BNC2: variants seen among roughly 807,000 people sequenced by gnomAD.
The protein encoded by BNC2 is basonuclin zinc finger protein 2.
In BNC2, 20 loss-of-function variants were observed where a neutral mutation model predicts 76.3. The observed-to-expected ratio is 0.26, with a 90% CI of 0.18 to 0.38. BNC2 has a LOEUF of 0.38. Ranked by LOEUF, BNC2 falls within the 10% of genes least tolerant of loss-of-function variation. The probability of loss-of-function intolerance (pLI) is 1.00; values close to 1 mark genes in which losing one functional copy is unlikely to be tolerated. For synonymous variants in BNC2, 582 were observed against 514.8 expected, an observed-to-expected ratio of 1.13 and a Z score of -1.77; for missense variants, 1,382 against 1,399.8, an observed-to-expected ratio of 0.99 and a Z score of 0.20.
At chr9:16,764,985 C>T (rs1290653748) in intron 1 of BNC2, among the ~76,000 whole-genome samples, 1 of 152,062 alleles carries the variant, frequency 6.6e-6, no homozygotes, top group Non-Finnish European at 1.5e-5. Flanking sequence ...GGATACGAAA[C>T]CCGCTGTGGC....
intron 1 of BNC2, among the ~76,000 whole-genome samples, chr9:16,814,458 A>C (rs892512893): frequency 3.3e-5 from 5 of 152,218 alleles, no homozygotes; most frequent in African/African-American, 9.6e-5. Flanking sequence ...ATTTAAAAGA[A>C]ATTTTACTCC....
At chr9:16,563,351 G>A (rs915548018) in intron 4 of BNC2, among the ~76,000 whole-genome samples, 2 of 151,918 alleles carry the variant, frequency 1.3e-5, no homozygotes, top group Non-Finnish European at 2.9e-5. Flanking sequence ...GGACTTGGTC[G>A]CTCATGCCTA....
intron 5 of BNC2, among the ~76,000 whole-genome samples, chr9:16,529,949 A>C (rs1427750968): frequency 6.6e-6 from 1 of 152,066 alleles, no homozygotes; most frequent in Non-Finnish European, 1.5e-5. Context: ...CCCAGGCTCA[A>C]CCGATTCTTC....
intron 5 of BNC2, among the ~76,000 whole-genome samples, chr9:16,501,973 T>G (rs889011454): frequency 1.1e-4 from 17 of 152,214 alleles, no homozygotes; most frequent in Admixed American, 1.3e-4. Context: ...TAAAATGCAT[T>G]TCTAATTTGT....
intron 3 of BNC2, among the ~76,000 whole-genome samples, chr9:16,653,924 A>T (rs745798407): frequency 4.0e-5 from 6 of 148,174 alleles, no homozygotes; most frequent in Non-Finnish European, 9.0e-5. Context: ...CGCCTCCCCC[A>T]CTCCTTCCTC....
intron 1 of BNC2, among the ~76,000 whole-genome samples, chr9:16,750,583 G>C (rs1391670651): frequency 6.6e-6 from 1 of 152,222 alleles, no homozygotes; most frequent in Non-Finnish European, 1.5e-5. Context: ...AAATGCAAGA[G>C]ATCTCTCAAA....
chr9:16,685,729 G>T, intron 3 of BNC2: 2 of 652,906 alleles, frequency 3.1e-6, no homozygotes, highest in Non-Finnish European at 5.0e-6. Flanking sequence ...CCAACTGCGG[G>T]TCTCTAACAG....
intron 1 of BNC2, among the ~76,000 whole-genome samples, chr9:16,794,644 C>CTA (rs1222089601): frequency 2.6e-5 from 4 of 152,142 alleles, no homozygotes; most frequent in Non-Finnish European, 4.4e-5. Flanking sequence ...ATGCAATGAA[C>CTA]TATAATACTT....
intron 5 of BNC2, among the ~76,000 whole-genome samples, chr9:16,498,295 T>TAATATA (rs1822443524): frequency 1.0e-5 from 1 of 98,380 alleles, no homozygotes; most frequent in South Asian, 3.3e-4. Context: ...ATATATTCCA[T>TAATATA]CATATATATA....
chr9:16,746,970 A>T (rs1181797781), intron 1 of BNC2, among the ~76,000 whole-genome samples: 2 of 151,702 alleles, frequency 1.3e-5, no homozygotes, highest in African/African-American at 2.4e-5. Context: ...TCAAAAAAAA[A>T]AAAAATTAAT....
chr9:16,810,024 T>C (rs1384194029), intron 1 of BNC2, among the ~76,000 whole-genome samples: 4 of 152,324 alleles, frequency 2.6e-5, no homozygotes, highest in African/African-American at 9.6e-5. Flanking sequence ...TGCAAAGGTA[T>C]GATTAAAGAA....
intron 3 of BNC2, among the ~76,000 whole-genome samples, chr9:16,671,380 G>A (rs1288296982): frequency 6.6e-6 from 1 of 152,190 alleles, no homozygotes; most frequent in Non-Finnish European, 1.5e-5. Context: ...AAAAAGAAAA[G>A]AGCTAGGGAA....
chr9:16,868,520 CAA>C (rs1250818018), intron 1 of BNC2, among the ~76,000 whole-genome samples: 5 of 152,136 alleles, frequency 3.3e-5, no homozygotes, highest in Admixed American at 6.5e-5. Context: ...TATTCTTATT[CAA>C]AGTCTTACAT....
chr9:16,472,364 G>C (rs72717022), intron 5 of BNC2, among the ~76,000 whole-genome samples: 1,649 of 152,314 alleles, frequency 0.011, 10 homozygotes, highest in Non-Finnish European at 0.015. Context: ...ATGAGGTGCT[G>C]CCCTGCATTT....
intron 5 of BNC2, among the ~76,000 whole-genome samples, chr9:16,461,754 C>T (rs980468014): frequency 5.3e-5 from 8 of 152,282 alleles, no homozygotes; most frequent in South Asian, 2.1e-4. Context: ...ATGTCAGCTA[C>T]GTGGTTTTAC....
At chr9:16,791,875 G>C (rs1817519327) in intron 1 of BNC2, among the ~76,000 whole-genome samples, 1 of 152,148 alleles carries the variant, frequency 6.6e-6, no homozygotes, top group Non-Finnish European at 1.5e-5. Context: ...AGCCAAGGCA[G>C]GTGGATCACT....
chr9:16,782,177 CG>C (rs1273759101), intron 1 of BNC2, among the ~76,000 whole-genome samples: 1 of 151,684 alleles, frequency 6.6e-6, no homozygotes, highest in Non-Finnish European at 1.5e-5. Context: ...CCCAGCTACT[CG>C]GGAGGCTGAG....
chr9:16,582,887 A>G (rs1384103761), intron 4 of BNC2, 96 bp downstream of exon 4: 1 of 962,102 alleles, frequency 1.0e-6, no homozygotes, highest in African/African-American at 1.8e-5. Context: ...TGACTCCTCT[A>G]AACAGACACA....
At chr9:16,675,543 A>C (rs1173713060) in intron 3 of BNC2, among the ~76,000 whole-genome samples, 1 of 152,218 alleles carries the variant, frequency 6.6e-6, no homozygotes, top group African/African-American at 2.4e-5. Flanking sequence ...GATTAAAGGC[A>C]TGAGCCACTG....
Sources: allele counts gnomAD v4.1 joint callset (sites outside exome capture counted in the v4.1 genomes callset), GRCh38; gene constraint gnomAD v4.1.1; transcripts MANE v1.5; gene names NCBI Gene and HGNC (gene_info 2026-07-23, HGNC 2026-07-21).